TBCD: variants seen among roughly 807,000 people sequenced by gnomAD.
The protein encoded by TBCD is tubulin folding cofactor D.
In TBCD, 105 loss-of-function variants were observed where a neutral mutation model predicts 169.3. The ratio of observed to expected loss-of-function variants is 0.62; its 90% CI spans 0.53 to 0.73. The LOEUF (loss-of-function observed/expected upper bound fraction) is 0.73, where lower values mean the gene tolerates loss of function less well. Ranked by LOEUF, TBCD falls within the 30% of genes least tolerant of loss-of-function variation. The probability of loss-of-function intolerance (pLI) is 0.00; values close to 1 mark genes in which losing one functional copy is unlikely to be tolerated. For synonymous variants in TBCD, 700 were observed against 643.9 expected (o/e 1.09, Z -1.32); for missense variants, 1,444 against 1,600.1 (o/e 0.90, Z 1.66).
rs116560628 is a variant in TBCD, at chr17:82,859,939, G to A, written c.1319-10285G>A. ...GACATGGCCTTTGGCCTCCCCAGCC[G>A]TCTGGCCTGGGCCTCGTGGTCCTGC... On this transcript the variant is annotated intron_variant, in intron 13 of 38. Transcript: ENST00000355528. 1.7e-3 allele frequency: 1,660 copies of A among 967,530 alleles called. 13 individuals carry two copies. In the African/African-American group the frequency reaches 0.025, roughly 15 times the overall value. The allele number at this position is 967,530 out of a possible 1,614,324, so 59.9% of individuals were successfully genotyped here. A position where few individuals can be genotyped will look rare whatever the true frequency, so the allele number is the denominator to read the frequency against.
rs758413695 is a variant in TBCD, at chr17:82,900,713, A to C, written c.1712A>C (p.Lys571Thr). The C allele has an allele frequency of 1.2e-6, 2 of 1,613,886 alleles. No homozygotes were observed. Among genetic ancestry groups the C allele is most frequent in the African/African-American group, 2.7e-5 (2 of 74,944 alleles). Residue 571 changes from lysine to threonine, a missense_variant, in exon 18 of 39, where the codon AAG (lysine) becomes ACG (threonine). Lys to Thr is a moderately conservative substitution (Grantham distance 78). Coordinates refer to ENST00000355528, the MANE Select transcript of TBCD (RefSeq NM_005993.5). ...ATGATAGACCACCTGGTTACCATGA[A>C]GATCAGCCACTGGGATGGGTAGGTT... is the stretch of plus-strand genomic sequence containing the variant. The part of the protein sequence containing the change: ...QPMIDHLVTM[K>T]ISHWDGVIRE...
At chr17:82,856,830 G>A (rs1466626468) in intron 13 of TBCD, among the ~76,000 whole-genome samples, 8 of 135,736 alleles carry the variant, frequency 5.9e-5, no homozygotes, top group Non-Finnish European at 9.5e-5. Flanking sequence ...GACCGCGTGC[G>A]GACCCTCGGT....
rs548753699 is a variant in TBCD, at chr17:82,930,318, C to T, written c.2992-204C>T. ...AGGGCTCAGGCTGAGCTGCCGTTGC[C>T]GAGAGCCTTGTGTCTGCTTCGGGTG... On this transcript the variant is annotated intron_variant, in intron 32 of 38. Transcript: ENST00000355528. This position sits in a 1 kb window ranked among gnomAD's most constrained non-coding sequence, Gnocchi z 5.2. 11 of 653,186 alleles carry T rather than the reference C, an allele frequency of 1.7e-5. No individual in the cohort carries two copies. The highest frequency in any genetic ancestry group is 3.7e-5 in the African/African-American group (2 of 54,040). The allele number at this position is 653,186 out of a possible 1,614,324, so 40.5% of individuals were successfully genotyped here. A position where few individuals can be genotyped will look rare whatever the true frequency, so the allele number is the denominator to read the frequency against.
At chr17:82,791,453 G>T (rs796405051) in intron 7 of TBCD, among the ~76,000 whole-genome samples, 8 of 152,238 alleles carry the variant, frequency 5.3e-5, no homozygotes, top group African/African-American at 1.9e-4. Context: ...GCGAGCTTTT[G>T]CTGGGCCTTG....
chr17:82,830,326 C>T, intron 13 of TBCD: 1 of 1,614,100 alleles, frequency 6.2e-7, no homozygotes, highest in South Asian at 1.1e-5. Context: ...GTCTTGCCGG[C>T]AGGCAGGTTC....
intron 23 of TBCD, among the ~76,000 whole-genome samples, chr17:82,919,644 C>T (rs550226452): frequency 1.3e-5 from 2 of 152,006 alleles, no homozygotes; most frequent in African/African-American, 4.8e-5. Context: ...TACTTCACAT[C>T]GAGAGGACCG....
chr17:82,772,448 G>T lies in TBCD; in HGVS notation c.583-4G>T. On this transcript the variant is annotated splice_region_variant and splice_polypyrimidine_tract_variant and intron_variant, in intron 5 of 38. Transcript: ENST00000355528. ...CCGTGTCTGTGCTTCACCCTTTCTT[G>T]CAGTCCTACTTGATTGTCAGTGACA... 1 of 1,613,934 alleles carries T rather than the reference G, an allele frequency of 6.2e-7. No homozygotes were observed. The highest frequency in any genetic ancestry group is 8.5e-7 in the Non-Finnish European group (1 of 1,179,872).
chr17:82,859,509 T>C, intron 13 of TBCD: 1 of 976,846 alleles, frequency 1.0e-6, no homozygotes, highest in South Asian at 4.8e-5. Context: ...TCAGGGAGAT[T>C]GGGCCTTGTG....
intron 28 of TBCD, 121 bp downstream of exon 28, chr17:82,926,612 T>TGGAAGAGAGGAAA: frequency 6.3e-6 from 5 of 792,918 alleles, no homozygotes; most frequent in Non-Finnish European, 1.0e-5. Flanking sequence ...AGGTTTCCTC[T>TGGAAGAGAGGAAA]CTTCCAGAGG....
chr17:82,831,119 A>G lies in TBCD; in HGVS notation c.1318+16185A>G, dbSNP rs2053468255. The stretch of plus-strand genomic sequence containing the variant: ...GCTGTGAGGCTTTGCTCTGGCGGGT[A>G]GAGTCTTCCCAGTGCGCTGGAGGCT... On this transcript the variant is annotated intron_variant, in intron 13 of 38. Transcript: ENST00000355528. This position sits in a 1 kb window ranked among gnomAD's most constrained non-coding sequence, Gnocchi z 4.6. 1.2e-6 allele frequency: 2 copies of G among 1,614,134 alleles called. No homozygotes were observed. The highest frequency in any genetic ancestry group is 1.1e-5 in the South Asian group (1 of 91,082).
chr17:82,926,317 C>A, intron 27 of TBCD, 83 bp from the exon 28 acceptor site: 1 of 1,335,116 alleles, frequency 7.5e-7, no homozygotes, highest in African/African-American at 1.4e-5. Flanking sequence ...GGGTCTGTGG[C>A]TCCGGGCCAA....
At chr17:82,795,237 C>T (rs866808134) in intron 7 of TBCD, among the ~76,000 whole-genome samples, 2 of 152,306 alleles carry the variant, frequency 1.3e-5, no homozygotes, top group South Asian at 2.1e-4. Flanking sequence ...CGTGTTAGCC[C>T]GTTGCCAAGT....
At chr17:82,919,632 GTTAC>G (rs1460238160) in intron 23 of TBCD, among the ~76,000 whole-genome samples, 1 of 152,090 alleles carries the variant, frequency 6.6e-6, no homozygotes, top group Non-Finnish European at 1.5e-5. Context: ...GAAGTACCAG[GTTAC>G]TTCACATCGA....
At chr17:82,803,270 A>C (rs924586299) in intron 9 of TBCD, among the ~76,000 whole-genome samples, 2 of 152,070 alleles carry the variant, frequency 1.3e-5, no homozygotes, top group African/African-American at 4.8e-5. Flanking sequence ...TCCTTGCTTT[A>C]AGTATGTAGC....
chr17:82,942,400 G>A, intron 38 of TBCD, 49 bp from the exon 39 acceptor site: 1 of 1,613,738 alleles, frequency 6.2e-7, no homozygotes, highest in Non-Finnish European at 8.5e-7. Flanking sequence ...GGCTGGGAAT[G>A]GTGTGTGTTG....
chr17:82,893,420 G>T (rs1599297440), intron 16 of TBCD, 127 bp from the exon 17 acceptor site: 1 of 695,018 alleles, frequency 1.4e-6, no homozygotes. Context: ...TGTGTGGCTT[G>T]CTCACCACCT....
intron 13 of TBCD, among the ~76,000 whole-genome samples, chr17:82,846,164 G>A (rs1313217619): frequency 3.0e-5 from 4 of 134,768 alleles, no homozygotes; most frequent in African/African-American, 1.1e-4. Flanking sequence ...AGGCTTAGGG[G>A]GTGAGGGTGT....
At position 82,805,971 on chromosome 17, in the gene TBCD, C is replaced by G. The variant is rs139258497; in HGVS notation, c.1047C>G (p.Asp349Glu). 4.3e-6 allele frequency: 7 copies of G among 1,613,550 alleles called. No homozygotes were observed. Among genetic ancestry groups the G allele is most frequent in the Non-Finnish European group, 5.1e-6 (6 of 1,179,768 alleles). Residue 349 changes from aspartate to glutamate, a missense_variant, in exon 10 of 39, where the codon GAC becomes GAG. By Grantham distance (45) the Asp-to-Glu change is conservative. Transcript: ENST00000355528. ...CACTCATCCTGACCGAAGATGACGA[C>G]GAAGATGACGACGTCCCAGAGGGGG... Reference protein sequence around the residue: ...QKPLILTEDDDEDDDVPEGVE... With the variant: ...QKPLILTEDDEEDDDVPEGVE...
chr17:82,882,459 C>T (rs1014136669), intron 14 of TBCD, among the ~76,000 whole-genome samples: 4 of 152,154 alleles, frequency 2.6e-5, no homozygotes, highest in African/African-American at 2.4e-5. Context: ...TAAATGCCCC[C>T]GAGTTTCAGT....
Sources: gnomAD v4.1 joint callset for allele counts (sites outside exome capture counted in the v4.1 genomes callset) on GRCh38, gnomAD v4.1.1 for gene constraint, Gnocchi (gnomAD v3.1) non-coding constraint, MANE v1.5 for transcripts, NCBI Gene and HGNC (gene_info 2026-07-23, HGNC 2026-07-21) for gene names.